Variants in TJP2 observed in about 807,000 individuals in gnomAD.
TJP2 encodes the protein Friedreich ataxia region gene X104 (tight junction protein ZO-2).
TJP2 carries 91 observed loss-of-function variants against 133.1 expected under a neutral mutation model. That is an observed-to-expected ratio of 0.68 (90% confidence interval 0.58 to 0.81). The LOEUF (loss-of-function observed/expected upper bound fraction) is 0.81, where lower values mean the gene tolerates loss of function less well. TJP2 is among the 40% of genes least tolerant of loss of function. TJP2 has a pLI of 0.00. For missense variants in TJP2, 1,541 were observed against 1,565.6 expected, an observed-to-expected ratio of 0.98 and a Z score of 0.26; for synonymous variants, 592 against 583.4, an observed-to-expected ratio of 1.01 and a Z score of -0.21.
intron 21 of TJP2, among the ~76,000 whole-genome samples, chr9:69,252,215 G>A (rs145255502): frequency 0.013 from 2,007 of 152,010 alleles, 21 homozygotes; most frequent in Middle Eastern, 0.027. Flanking sequence ...GGCTGGTCTC[G>A]AACTCCTGGG....
intron 1 of TJP2, among the ~76,000 whole-genome samples, chr9:69,211,681 C>T (rs1185138614): frequency 1.3e-5 from 2 of 152,202 alleles, no homozygotes; most frequent in African/African-American, 4.8e-5. Flanking sequence ...TGTGTGAATA[C>T]AGGTCTGTTG....
At chr9:69,122,147 TTCAC>T (rs1000998500) in intron 1 of TJP2, 1 of 152,316 alleles carries the variant, frequency 6.6e-6, no homozygotes, top group Non-Finnish European at 1.5e-5. Context: ...CTGGCACCCT[TTCAC>T]TCAAGGGATG....
chr9:69,229,162 G>C, intron 9 of TJP2, 22 bp from the exon 10 acceptor site: 1 of 1,611,074 alleles, frequency 6.2e-7, no homozygotes, highest in Non-Finnish European at 8.5e-7. Flanking sequence ...ATTGATAACA[G>C]TAGATGTTTC....
At chr9:69,187,832 AGAGAAGG>A (rs1249144242) in intron 1 of TJP2, among the ~76,000 whole-genome samples, 1 of 152,176 alleles carries the variant, frequency 6.6e-6, no homozygotes, top group East Asian at 1.9e-4. Flanking sequence ...GGTGAAAGGA[AGAGAAGG>A]GAGAAGGTGA....
intron 1 of TJP2, among the ~76,000 whole-genome samples, chr9:69,177,027 T>C (rs922718948): frequency 2.6e-5 from 4 of 152,198 alleles, no homozygotes; most frequent in Non-Finnish European, 5.9e-5. Flanking sequence ...TTTCAACATA[T>C]TCTACCAACA....
rs778482810 is a variant in TJP2, at chr9:69,221,239, C to CCCGGGA, written c.705_710dup (p.Asp238_Arg239dup). The CCCGGGA allele has an allele frequency of 1.7e-5, 27 of 1,607,238 alleles. No individual in the cohort carries two copies. Among genetic ancestry groups the CCCGGGA allele is most frequent in the Middle Eastern group, 1.6e-4 (1 of 6,070 alleles). ...GGCCTGGACCACGACTTTGGGCCAT[C>CCCGGGA]CCGGGACCGGGACCGTGACCGCAGC... On this transcript the variant is annotated inframe_insertion, in exon 5 of 23. Coordinates refer to ENST00000377245, the MANE Select transcript of TJP2 (RefSeq NM_004817.4).
At chr9:69,235,455 T>A (rs953569771) in intron 12 of TJP2, among the ~76,000 whole-genome samples, 7 of 152,048 alleles carry the variant, frequency 4.6e-5, no homozygotes, top group Non-Finnish European at 1.0e-4. Flanking sequence ...CCCGAGTAGC[T>A]GGGACTACAG....
Position 69,253,420 on chromosome 9 carries a change from G to A in TJP2, c.3407+520G>A, listed in dbSNP as rs141954508. ...TTATACTGGATTGCTTCCTGCTTCC[G>A]AGAATAGAAAAAAAAAAGTCACATT... On this transcript the variant is annotated intron_variant, in intron 22 of 22. Coordinates refer to ENST00000377245, the MANE Select transcript of TJP2 (RefSeq NM_004817.4). 461 of 155,314 alleles carry A rather than the reference G, an allele frequency of 3.0e-3. 4 individuals carry two copies. The highest frequency in any genetic ancestry group is 9.3e-3 in the African/African-American group (385 of 41,208). 9.6% of individuals were successfully genotyped at this position (155,314 alleles called of 1,614,324 possible). A position where few individuals can be genotyped will look rare whatever the true frequency, so the allele number is the denominator to read the frequency against.
chr9:69,221,373 G>A lies in TJP2; in HGVS notation c.829G>A (p.Ala277Thr). ...GTACAGGCGCGGGGCCCGCCACGAT[G>A]CCCGCTCTCGGGGACCCCGAAGCCG... ...PEYRRGARHD[A>T]RSRGPRSRSR... Residue 277 changes from alanine (A) to threonine (T), a missense_variant, in exon 5 of 23, where the codon GCC becomes ACC. Coordinates refer to ENST00000377245, the MANE Select transcript of TJP2 (RefSeq NM_004817.4). 6.3e-7 allele frequency: 1 copy of A among 1,583,598 alleles called. No individual in the cohort carries two copies. The highest frequency in any genetic ancestry group is 8.6e-7 in the Non-Finnish European group (1 of 1,165,644).
At chr9:69,196,416 C>G (rs1317040914) in intron 1 of TJP2, among the ~76,000 whole-genome samples, 1 of 152,154 alleles carries the variant, frequency 6.6e-6, no homozygotes, top group Non-Finnish European at 1.5e-5. Context: ...CTTGATTTCT[C>G]TACATGCACT....
chr9:69,179,704 T>G (rs1040407580), intron 1 of TJP2, among the ~76,000 whole-genome samples: 1 of 152,062 alleles, frequency 6.6e-6, no homozygotes, highest in Middle Eastern at 3.2e-3. Flanking sequence ...TTTCACCATG[T>G]TAGCCAGGAT....
chr9:69,180,228 A>G (rs1489628630), intron 1 of TJP2, among the ~76,000 whole-genome samples: 1 of 152,224 alleles, frequency 6.6e-6, no homozygotes, highest in Admixed American at 6.5e-5. Flanking sequence ...GGTAACAGTT[A>G]TGGCTGTAAT....
chr9:69,198,824 C>G (rs1181317936), intron 1 of TJP2, among the ~76,000 whole-genome samples: 2 of 152,200 alleles, frequency 1.3e-5, no homozygotes, highest in African/African-American at 4.8e-5. Context: ...AAAACAAACG[C>G]TACAGAAAGT....
chr9:69,229,206 G>A lies in TJP2; in HGVS notation c.1476G>A (p.Pro492=), dbSNP rs749042061. 8.1e-6 allele frequency: 13 copies of A among 1,614,100 alleles called. No individual in the cohort carries two copies. Among genetic ancestry groups the A allele is most frequent in the South Asian group, 1.1e-5 (1 of 91,066 alleles). Residue 492 remains proline, a synonymous_variant, in exon 10 of 23, where the codon CCG becomes CCA. Transcript: ENST00000377245. ...CAGCTCCTCAACCAAAAGCAGCCCC[G>A]AGAACTTTTCTTCGTCCTAGTCCTG... The part of the protein sequence containing the change: ...DPPAPQPKAA[P]RTFLRPSPED...
chr9:69,218,665 G>GA lies in TJP2; in HGVS notation c.342+313dup, dbSNP rs1214172437. ...ATACTGGTAAAATAGTATTAATTTAGAAAAAAACTTTCAGCTCAAAAACTC... is the reference window on the plus strand; with the variant it reads ...ATACTGGTAAAATAGTATTAATTTAGAAAAAAAACTTTCAGCTCAAAAACTC... On this transcript the variant is annotated intron_variant, in intron 4 of 22. Transcript: ENST00000377245. 3 of 378,496 alleles carry GA rather than the reference G, an allele frequency of 7.9e-6. No homozygotes were observed. In the Admixed American group the frequency reaches 1.2e-4, roughly 15 times the overall value. The allele number at this position is 378,496 out of a possible 1,614,324, so 23.4% of individuals were successfully genotyped here.
rs1363783243 is a variant in TJP2, at chr9:69,254,748, G to T, written c.*374G>T. On this transcript the variant is annotated 3_prime_UTR_variant, in exon 23 of 23. Transcript: ENST00000377245. ...GCCTTCAAGGACTGTTTCAGTGTGA[G>T]TCAGAATGTGAAAAAGGAATAAAAA... 5.9e-6 allele frequency: 3 copies of T among 508,964 alleles called. No individual in the cohort carries two copies. Among genetic ancestry groups the T allele is most frequent in the African/African-American group, 5.7e-5 (3 of 52,644 alleles). 31.5% of individuals were successfully genotyped at this position (508,964 alleles called of 1,614,324 possible).
Position 69,163,029 on chromosome 9 carries a change from T to A in TJP2, c.-10+11258T>A, listed in dbSNP as rs201800991. On this transcript the variant is annotated intron_variant, in intron 2 of 5. Coordinates refer to the TJP2 transcript ENST00000423935. ...TTTAAAAAGTATCTTTATTTTATTTTATTTTTTTTTTTTTGAGACGGAGTC... is the reference window on the plus strand; with the variant it reads ...TTTAAAAAGTATCTTTATTTTATTTAATTTTTTTTTTTTTGAGACGGAGTC... Among the ~76,000 whole-genome samples the A allele has an allele frequency of 4.7e-4, 16 of 33,802 alleles. 4 individuals carry two copies. Among genetic ancestry groups the A allele is most frequent in the African/African-American group, 1.6e-3 (13 of 8,044 alleles). 22.2% of individuals were successfully genotyped at this position (33,802 alleles called of 152,430 possible).
intron 18 of TJP2, 104 bp downstream of exon 18, chr9:69,246,894 T>G: frequency 9.9e-7 from 1 of 1,005,660 alleles, no homozygotes; most frequent in South Asian, 1.3e-5. Flanking sequence ...GAAGTGATGC[T>G]CACATGTGTG....
chr9:69,150,101 G>A (rs1427852988), intron 1 of TJP2, among the ~76,000 whole-genome samples: 1 of 151,938 alleles, frequency 6.6e-6, no homozygotes. Context: ...AGTGAGCCGA[G>A]ATTGTGCCAC....
Sources: allele counts gnomAD v4.1 joint callset (sites outside exome capture counted in the v4.1 genomes callset), GRCh38; gene constraint gnomAD v4.1.1; transcripts MANE v1.5; gene names NCBI Gene and HGNC (gene_info 2026-07-23, HGNC 2026-07-21).